Variants in INPP5D observed in about 807,000 individuals in gnomAD.
INPP5D encodes phosphatidylinositol 3,4,5-trisphosphate 5-phosphatase 1.
A neutral mutation model predicts 122.9 loss-of-function variants in INPP5D; 33 were observed. The ratio of observed to expected loss-of-function variants is 0.27; its 90% CI spans 0.20 to 0.36. The LOEUF (loss-of-function observed/expected upper bound fraction) is 0.36. Ranked by LOEUF, INPP5D falls within the 10% of genes least tolerant of loss-of-function variation. INPP5D has a pLI of 1.00. For missense variants in INPP5D, 1,053 were observed against 1,412.7 expected (o/e 0.75, Z 4.08); for synonymous variants, 584 against 576.2 (o/e 1.01, Z -0.19).
chr2:233,154,700 C>T (rs1694002335), intron 9 of INPP5D, among the ~76,000 whole-genome samples: 1 of 152,210 alleles, frequency 6.6e-6, no homozygotes, highest in Admixed American at 6.5e-5. Context: ...TTTGGAGCCT[C>T]AGTAAATTTA....
At chr2:233,092,854 G>A (rs1299152209) in intron 2 of INPP5D, among the ~76,000 whole-genome samples, 1 of 152,152 alleles carries the variant, frequency 6.6e-6, no homozygotes, top group Non-Finnish European at 1.5e-5. Context: ...ACGTAGCCAG[G>A]GGTGCTCCCA....
chr2:233,062,217 G>A (rs188319878), intron 1 of INPP5D, among the ~76,000 whole-genome samples: 11 of 152,326 alleles, frequency 7.2e-5, no homozygotes, highest in Admixed American at 6.5e-4. Context: ...TGGCTGAGCC[G>A]AGGGCTTCCA....
At position 233,170,308 on chromosome 2, in the gene INPP5D, A is replaced by G. The variant is rs1430155983; in HGVS notation, c.1791+144A>G. On this transcript the variant is annotated intron_variant, in intron 15 of 26. Transcript: ENST00000445964. This position sits in a 1 kb window ranked among gnomAD's most constrained non-coding sequence, Gnocchi z 4.5. ...CCCTTGGGGGCTCAACGCTGTTTCC[A>G]TTACTGAGCCTCAGCCGCTCCTCAC... The G allele has an allele frequency of 4.0e-6, 6 of 1,489,892 alleles. No homozygotes were observed. The highest frequency in any genetic ancestry group is 4.5e-6 in the Non-Finnish European group (5 of 1,113,670). 92.3% of individuals were successfully genotyped at this position (1,489,892 alleles called of 1,614,324 possible). A position where few individuals can be genotyped will look rare whatever the true frequency, so the allele number is the denominator to read the frequency against.
rs763222845 is a variant in INPP5D at position 233,170,207 on chromosome 2, A to G, written c.1791+43A>G. 1 of 1,598,976 alleles carries G rather than the reference A, an allele frequency of 6.3e-7. No individual in the cohort carries two copies. The highest frequency in any genetic ancestry group is 8.5e-7 in the Non-Finnish European group (1 of 1,172,140). ...GGGGCTGGGGCTGGGGCTGTATGAGATGGAGGCTCCCTTGAGTCAGCTTGG... is the reference window on the plus strand; with the variant it reads ...GGGGCTGGGGCTGGGGCTGTATGAGGTGGAGGCTCCCTTGAGTCAGCTTGG... On this transcript the variant is annotated intron_variant, in intron 15 of 26. Coordinates refer to ENST00000445964, the MANE Select transcript of INPP5D (RefSeq NM_001017915.3). This position sits in a 1 kb window ranked among gnomAD's most constrained non-coding sequence, Gnocchi z 4.5.
At chr2:233,121,135 T>TC (rs1491414600) in intron 2 of INPP5D, among the ~76,000 whole-genome samples, 45 of 62,194 alleles carry the variant, frequency 7.2e-4, no homozygotes, top group African/African-American at 1.7e-3. Context: ...TTTTTTTTTC[T>TC]TTTTTTTTTT....
chr2:233,175,671 A>G (rs532599200), intron 17 of INPP5D, among the ~76,000 whole-genome samples: 51 of 150,434 alleles, frequency 3.4e-4, no homozygotes, highest in African/African-American at 1.2e-3. Flanking sequence ...AGAGAGAATG[A>G]AAATAAAAAC....
rs1375731175 is a variant in INPP5D at position 233,060,510 on chromosome 2, C to T, written c.32C>T (p.Thr11Ile). Residue 11 changes from threonine (T) to isoleucine (I), a missense_variant, in exon 1 of 27, where the codon ACC becomes ATC. Thr to Ile is a moderately conservative substitution (Grantham distance 89). This residue lies in a region of INPP5D where 74 missense variants were observed against 146.6 expected (regional missense o/e 0.50). Coordinates refer to ENST00000445964, the MANE Select transcript of INPP5D (RefSeq NM_001017915.3). The part of the protein sequence containing the change: MVPCWNHGNI[T>I]RSKAEELLSR... ...CCCTGCTGGAACCATGGCAACATCA[C>T]CCGCTCCAAGGCGGAGGAGCTGCTT... 1 of 1,612,918 alleles carries T rather than the reference C, an allele frequency of 6.2e-7. No homozygotes were observed. Among genetic ancestry groups the T allele is most frequent in the Non-Finnish European group, 8.5e-7 (1 of 1,179,376 alleles).
chr2:233,132,885 ATTTTTTTTTTT>A (rs35276718), intron 5 of INPP5D, among the ~76,000 whole-genome samples: 2 of 117,994 alleles, frequency 1.7e-5, no homozygotes, highest in Non-Finnish European at 3.4e-5. Context: ...ATGAACAAGA[ATTTTTTTTTTT>A]TTTTTTTTTT....
In INPP5D at chr2:233,128,134, G is replaced by A. The variant is rs948146252; in HGVS notation, c.524+2215G>A. Among the ~76,000 whole-genome samples, 4 of 152,034 alleles carry A rather than the reference G, an allele frequency of 2.6e-5. No homozygotes were observed. Among genetic ancestry groups the A allele is most frequent in the Non-Finnish European group, 1.5e-5 (1 of 68,002 alleles). ...ATCAGCGGTGGCATTAGATTCTCAT[G>A]AGTGTGAACCCGGTTGTGAACTGTG... On this transcript the variant is annotated intron_variant, in intron 4 of 26. Coordinates refer to ENST00000445964, the MANE Select transcript of INPP5D (RefSeq NM_001017915.3). The surrounding 1 kb of genome is among the most constrained non-coding windows in gnomAD (Gnocchi z 4.5).
At chr2:233,181,186 A>G (rs1161070457) in intron 18 of INPP5D, among the ~76,000 whole-genome samples, 2 of 151,846 alleles carry the variant, frequency 1.3e-5, no homozygotes, top group Non-Finnish European at 2.9e-5. Context: ...TTCTCTGGTG[A>G]TCCTTAGTAA....
chr2:233,166,541 T>C (rs1422138015), intron 13 of INPP5D, among the ~76,000 whole-genome samples: 1 of 152,116 alleles, frequency 6.6e-6, no homozygotes, highest in African/African-American at 2.4e-5. Context: ...GAGTCCCAGC[T>C]TTATGACCAT....
intron 5 of INPP5D, among the ~76,000 whole-genome samples, chr2:233,136,643 T>A (rs1693473770): frequency 6.6e-6 from 1 of 152,074 alleles, no homozygotes; most frequent in Non-Finnish European, 1.5e-5. Context: ...AAAGATCCAA[T>A]GTGTACCAAC....
At chr2:233,163,957 C>T (rs1694258783) in intron 12 of INPP5D, 54 bp downstream of exon 12, 5 of 1,586,880 alleles carry the variant, frequency 3.2e-6, no homozygotes, top group Non-Finnish European at 4.3e-6. Context: ...CTTTGCTCGG[C>T]TGGGCTGTCT....
intron 5 of INPP5D, chr2:233,131,185 T>C (rs1465098117): frequency 2.4e-5 from 22 of 929,606 alleles, no homozygotes; most frequent in Non-Finnish European, 2.8e-5. Flanking sequence ...TGATTTCTTT[T>C]AGATTCTTTT....
intron 22 of INPP5D, among the ~76,000 whole-genome samples, chr2:233,191,435 C>T (rs879740318): frequency 2.0e-5 from 3 of 152,200 alleles, no homozygotes; most frequent in Non-Finnish European, 2.9e-5. Flanking sequence ...CAAACCATAT[C>T]AGGGTCTGAG....
chr2:233,167,207 CAAAAAAA>C (rs565735597), intron 13 of INPP5D, among the ~76,000 whole-genome samples: 2 of 102,188 alleles, frequency 2.0e-5, no homozygotes, highest in Non-Finnish European at 3.7e-5. Context: ...ACCATTTCTA[CAAAAAAA>C]AAAAAAAAAA....
At chr2:233,060,795 A>G (rs1691051831) in intron 1 of INPP5D, among the ~76,000 whole-genome samples, 183 bp downstream of exon 1, 1 of 152,188 alleles carries the variant, frequency 6.6e-6, no homozygotes, top group Admixed American at 6.5e-5. Flanking sequence ...CAGGTTTTGC[A>G]GCCTTGGAGC....
At chr2:233,129,668 A>G (rs1048596917) in intron 4 of INPP5D, among the ~76,000 whole-genome samples, 2 of 151,894 alleles carry the variant, frequency 1.3e-5, no homozygotes, top group Non-Finnish European at 2.9e-5. Flanking sequence ...ATCGCTAATC[A>G]CTCAGACTCC....
chr2:233,080,428 CGG>C (rs1163510572), intron 2 of INPP5D, among the ~76,000 whole-genome samples: 3 of 64,064 alleles, frequency 4.7e-5, no homozygotes, highest in Non-Finnish European at 1.2e-4. Flanking sequence ...TTCCACATCC[CGG>C]GTGTGTGTGT....
Sources: gnomAD v4.1 joint callset for allele counts (sites outside exome capture counted in the v4.1 genomes callset) on GRCh38, gnomAD v4.1.1 for gene constraint, gnomAD v4.1.1 regional missense constraint, Gnocchi (gnomAD v3.1) non-coding constraint, MANE v1.5 for transcripts, NCBI Gene and HGNC (gene_info 2026-07-23, HGNC 2026-07-21) for gene names.